The following PTPRD variants were observed in gnomAD, a reference collection of about 807,000 sequenced individuals.
PTPRD encodes protein tyrosine phosphatase receptor type D, also known as receptor-type tyrosine-protein phosphatase delta.
Under a neutral mutation model 214.5 loss-of-function variants are expected in PTPRD, and 34 were observed. That is an observed-to-expected ratio of 0.16 (90% CI 0.12 to 0.21). The LOEUF is 0.21. Among genes scored for constraint, PTPRD ranks in the 10% least tolerant of loss-of-function variants. The pLI, the probability that PTPRD is intolerant of heterozygous loss-of-function variation, is 1.00. For synonymous variants in PTPRD, 1,128 were observed against 845.7 expected, an observed-to-expected ratio of 1.33 and a Z score of -5.79; for missense variants, 2,545 against 2,398.7, an observed-to-expected ratio of 1.06 and a Z score of -1.27.
At chr9:8,570,409 G>A (rs1351027354) in intron 14 of PTPRD, among the ~76,000 whole-genome samples, 1 of 152,076 alleles carries the variant, frequency 6.6e-6, no homozygotes, top group East Asian at 1.9e-4. Flanking sequence ...TAAAGATTAA[G>A]GAATTTAATA....
chr9:8,790,907 C>A (rs2096204238), intron 11 of PTPRD, among the ~76,000 whole-genome samples: 1 of 152,160 alleles, frequency 6.6e-6, no homozygotes, highest in African/African-American at 2.4e-5. Flanking sequence ...ATTTAAAGTA[C>A]TCAACCGCCA....
intron 2 of PTPRD, among the ~76,000 whole-genome samples, chr9:10,404,962 C>T (rs1325564277): frequency 2.1e-5 from 1 of 48,012 alleles, no homozygotes; most frequent in African/African-American, 5.1e-5. Context: ...TCAATCTCAT[C>T]CTCCACAGCC....
At chr9:9,198,247 T>C (rs2099939794) in intron 9 of PTPRD, among the ~76,000 whole-genome samples, 1 of 152,190 alleles carries the variant, frequency 6.6e-6, no homozygotes, top group South Asian at 2.1e-4. Context: ...TTTTAGGCTA[T>C]AAACACACAC....
At chr9:8,755,394 C>T (rs531352330) in intron 11 of PTPRD, among the ~76,000 whole-genome samples, 52 of 151,604 alleles carry the variant, frequency 3.4e-4, no homozygotes, top group East Asian at 7.8e-4. Flanking sequence ...CCGAGCATGG[C>T]GGTGCATGCC....
Position 8,456,467 on chromosome 9 carries a change from G to C in PTPRD, c.3875+3944C>G, listed in dbSNP as rs555880345. 1.5e-3 allele frequency among the ~76,000 whole-genome samples: 231 copies of C among 152,204 alleles called. 1 individual carries two copies. The highest frequency in any genetic ancestry group is 7.8e-3 in the Admixed American group (119 of 15,300). On this transcript the variant is annotated intron_variant, in intron 33 of 45. Coordinates refer to ENST00000381196, the MANE Select transcript of PTPRD (RefSeq NM_002839.4). Reference sequence around the variant, plus strand: ...GGAGTGGCAGGGGAGTGACAGGAAAGGCATTCCTAACCTAGGGAGGGCCTA... The same window carrying C: ...GGAGTGGCAGGGGAGTGACAGGAAACGCATTCCTAACCTAGGGAGGGCCTA...
intron 9 of PTPRD, among the ~76,000 whole-genome samples, chr9:9,306,448 C>T (rs1372581932): frequency 1.3e-5 from 2 of 150,762 alleles, no homozygotes; most frequent in Non-Finnish European, 2.9e-5. Context: ...CCTGTAGTCC[C>T]AGCTACTTGG....
chr9:8,425,778 C>T (rs2094623337), intron 35 of PTPRD, among the ~76,000 whole-genome samples: 1 of 152,108 alleles, frequency 6.6e-6, no homozygotes, highest in African/African-American at 2.4e-5. Context: ...ATTCAAGCTA[C>T]TCCTCTTATA....
At chr9:9,950,402 T>C (rs2093332197) in intron 4 of PTPRD, among the ~76,000 whole-genome samples, 1 of 152,126 alleles carries the variant, frequency 6.6e-6, no homozygotes. Context: ...GGACCAACTG[T>C]CTTAAGACCT....
chr9:10,578,636 G>A (rs1052796177), intron 2 of PTPRD, among the ~76,000 whole-genome samples: 13 of 152,148 alleles, frequency 8.5e-5, no homozygotes, highest in African/African-American at 2.9e-4. Context: ...TCTCATAGAA[G>A]TAAATAATTG....
At chr9:8,408,835 G>C (rs527572435) in intron 35 of PTPRD, among the ~76,000 whole-genome samples, 26 of 152,100 alleles carry the variant, frequency 1.7e-4, no homozygotes, top group Non-Finnish European at 3.7e-4. Context: ...CAAAGGCTTT[G>C]CTTACTCAGA....
At chr9:10,355,743 G>T (rs915138555) in intron 2 of PTPRD, among the ~76,000 whole-genome samples, 1 of 152,028 alleles carries the variant, frequency 6.6e-6, no homozygotes, top group Non-Finnish European at 1.5e-5. Flanking sequence ...CTCCCAAAGC[G>T]CTGGGATTAC....
intron 9 of PTPRD, among the ~76,000 whole-genome samples, chr9:9,185,903 C>CTGAAAAGA (rs1183167771): frequency 6.7e-6 from 1 of 150,036 alleles, no homozygotes; most frequent in African/African-American, 2.5e-5. Context: ...GACCACCACA[C>CTGAAAAGA]AAGTGCCTTT....
chr9:10,069,473 AT>A (rs918346469), intron 3 of PTPRD, among the ~76,000 whole-genome samples: 1 of 151,870 alleles, frequency 6.6e-6, no homozygotes, highest in African/African-American at 2.4e-5. Flanking sequence ...CTGCCTGACC[AT>A]TTTTTAATTG....
rs142583309 is a variant in PTPRD at position 8,389,482 on chromosome 9, C to T, written c.4211-75G>A. 1.3e-5 allele frequency: 15 copies of T among 1,122,858 alleles called. No homozygotes were observed. In the African/African-American group the frequency reaches 2.2e-4, roughly 17 times the overall value. The allele number at this position is 1,122,858 out of a possible 1,614,324, so 69.6% of individuals were successfully genotyped here. ...AACAGCCTGGGACATGACCTAATGG[C>T]AGTGCTATCTTACTGTTCCACCTCA... is the stretch of plus-strand genomic sequence containing the variant. On this transcript the variant is annotated intron_variant, in intron 36 of 45. Transcript: ENST00000381196.
chr9:8,660,716 A>G (rs1252510582), intron 12 of PTPRD, among the ~76,000 whole-genome samples: 1 of 152,124 alleles, frequency 6.6e-6, no homozygotes, highest in Non-Finnish European at 1.5e-5. Flanking sequence ...TAAGCCCTAT[A>G]TTGTATCAGG....
intron 2 of PTPRD, among the ~76,000 whole-genome samples, chr9:10,453,629 C>T (rs375445922): frequency 1.3e-5 from 2 of 151,548 alleles, no homozygotes; most frequent in East Asian, 3.9e-4. Flanking sequence ...GAAATGCTAC[C>T]ACTTGTGTAT....
intron 4 of PTPRD, among the ~76,000 whole-genome samples, chr9:10,012,203 G>C (rs1351051969): frequency 1.3e-5 from 2 of 151,780 alleles, no homozygotes; most frequent in African/African-American, 4.8e-5. Context: ...TTGTAAAAAA[G>C]TACCTCATAG....
chr9:10,132,278 C>T (rs1449369447), intron 3 of PTPRD, among the ~76,000 whole-genome samples: 2 of 152,136 alleles, frequency 1.3e-5, no homozygotes, highest in Non-Finnish European at 2.9e-5. Context: ...CCCACCACTT[C>T]ATTCTGATTT....
intron 3 of PTPRD, among the ~76,000 whole-genome samples, chr9:10,324,475 G>C (rs997392253): frequency 6.6e-6 from 1 of 152,014 alleles, no homozygotes; most frequent in African/African-American, 2.4e-5. Context: ...CCAACAAGTA[G>C]ATGGATAATA....
Sources: gnomAD v4.1 joint callset for allele counts (sites outside exome capture counted in the v4.1 genomes callset) on GRCh38, gnomAD v4.1.1 for gene constraint, MANE v1.5 for transcripts, NCBI Gene and HGNC (gene_info 2026-07-23, HGNC 2026-07-21) for gene names.